The following HECTD2 variants were observed in gnomAD, a reference collection of about 807,000 sequenced individuals.
HECTD2 encodes the protein probable E3 ubiquitin-protein ligase HECTD2.
A neutral mutation model predicts 103.2 loss-of-function variants in HECTD2; 35 were observed. The ratio of observed to expected loss-of-function variants is 0.34; its 90% confidence interval spans 0.26 to 0.45. HECTD2 has a LOEUF of 0.45. Ranked by LOEUF, HECTD2 falls within the 20% of genes least tolerant of loss-of-function variation. The pLI is 1.00. For synonymous variants in HECTD2, 281 were observed against 329.9 expected, an observed-to-expected ratio of 0.85 and a Z score of 1.61; for missense variants, 596 against 937.4, an observed-to-expected ratio of 0.64 and a Z score of 4.76.
At position 91,487,988 on chromosome 10, in the gene HECTD2, T is replaced by C. The variant is rs985055603; in HGVS notation, c.1191+210T>C. ...ATCTCTTCTGATCAACTTCTCATTATATTATAAATATAGTAGGAAGAGTAA... is the reference window on the plus strand; with the variant it reads ...ATCTCTTCTGATCAACTTCTCATTACATTATAAATATAGTAGGAAGAGTAA... On this transcript the variant is annotated intron_variant, in intron 11 of 20. Transcript: ENST00000298068. The surrounding 1 kb of genome is among the most constrained non-coding windows in gnomAD (Gnocchi z 4.1). The C allele has an allele frequency of 5.9e-6, 2 of 339,418 alleles. No individual in the cohort carries two copies. The highest frequency in any genetic ancestry group is 4.2e-5 in the African/African-American group (2 of 47,122). 21.0% of individuals were successfully genotyped at this position (339,418 alleles called of 1,614,324 possible).
At chr10:91,456,244 A>G (rs1845085675) in intron 2 of HECTD2, among the ~76,000 whole-genome samples, 2 of 152,000 alleles carry the variant, frequency 1.3e-5, no homozygotes, top group Non-Finnish European at 2.9e-5. Flanking sequence ...GTCCTGTTTT[A>G]TTTCGTTGAG....
At chr10:91,427,157 A>G (rs1469668205) in intron 2 of HECTD2, among the ~76,000 whole-genome samples, 3 of 151,436 alleles carry the variant, frequency 2.0e-5, no homozygotes, top group Non-Finnish European at 4.4e-5. Flanking sequence ...AATTTCATCC[A>G]TGTCCCTACA....
At chr10:91,461,935 T>C (rs1001075568) in intron 4 of HECTD2, among the ~76,000 whole-genome samples, 160 bp from the exon 5 acceptor site, 2 of 152,210 alleles carry the variant, frequency 1.3e-5, no homozygotes, top group Admixed American at 6.5e-5. Context: ...AAATAATCTT[T>C]GTACATTTCT....
rs1846555820 is a variant in HECTD2, at chr10:91,493,586, G to C, written c.1521+78G>C. 1.9e-5 allele frequency: 14 copies of C among 728,332 alleles called. No individual in the cohort carries two copies. In the South Asian group the frequency reaches 2.7e-4, roughly 14 times the overall value. The allele number at this position is 728,332 out of a possible 1,614,324, so 45.1% of individuals were successfully genotyped here. A position where few individuals can be genotyped will look rare whatever the true frequency, so the allele number is the denominator to read the frequency against. The stretch of plus-strand genomic sequence containing the variant: ...GATTTTATCTGTATTTTAGAAAACT[G>C]TTTTCTTTAGCCATTTTATCCAAAT... On this transcript the variant is annotated intron_variant, in intron 14 of 20. Transcript: ENST00000298068.
intron 2 of HECTD2, among the ~76,000 whole-genome samples, chr10:91,435,216 A>G (rs1055784154): frequency 3.3e-5 from 5 of 151,892 alleles, no homozygotes; most frequent in African/African-American, 1.2e-4. Flanking sequence ...GAGGTTAACT[A>G]TTGTTCCCTT....
chr10:91,508,861 C>T (rs911050908), intron 20 of HECTD2, among the ~76,000 whole-genome samples: 3 of 151,956 alleles, frequency 2.0e-5, no homozygotes, highest in East Asian at 1.9e-4. Context: ...ATAGCAAAGA[C>T]TTGGAACCAA....
At chr10:91,461,790 C>T (rs2133205141) in intron 4 of HECTD2, among the ~76,000 whole-genome samples, 1 of 152,246 alleles carries the variant, frequency 6.6e-6, no homozygotes, top group East Asian at 1.9e-4. Flanking sequence ...CTCGGGTGAT[C>T]CTCCCATGTC....
chr10:91,466,731 A>C (rs1460029054), intron 5 of HECTD2, among the ~76,000 whole-genome samples: 2 of 152,212 alleles, frequency 1.3e-5, no homozygotes, highest in Non-Finnish European at 2.9e-5. Flanking sequence ...ACAACAGCCA[A>C]AAATTAATTA....
intron 20 of HECTD2, among the ~76,000 whole-genome samples, chr10:91,503,758 A>G (rs1478328555): frequency 6.6e-6 from 1 of 152,228 alleles, no homozygotes; most frequent in African/African-American, 2.4e-5. Flanking sequence ...GGAAGCTCGA[A>G]CTGGGTGGAA....
At chr10:91,511,493 C>A (rs1398189049) in intron 20 of HECTD2, among the ~76,000 whole-genome samples, 1 of 152,130 alleles carries the variant, frequency 6.6e-6, no homozygotes, top group Non-Finnish European at 1.5e-5. Context: ...AACCATCAGT[C>A]CTCAACCTTT....
At chr10:91,471,379 A>C (rs1358087654) in intron 5 of HECTD2, among the ~76,000 whole-genome samples, 1 of 152,168 alleles carries the variant, frequency 6.6e-6, no homozygotes, top group Admixed American at 6.5e-5. Flanking sequence ...GAATGAGCAA[A>C]AGCTACAAGT....
At position 91,513,786 on chromosome 10, in the gene HECTD2, C is replaced by A. The variant is rs1037235913; in HGVS notation, c.*1402C>A. ...CTTTCTGGGCTAGGCTATTTTCTTG[C>A]TATGCTTCCTGCACCCAACCAGCAG... is the stretch of plus-strand genomic sequence containing the variant. On this transcript the variant is annotated 3_prime_UTR_variant, in exon 21 of 21. Coordinates refer to ENST00000298068, the MANE Select transcript of HECTD2 (RefSeq NM_182765.6). 2 of 152,572 alleles carry A rather than the reference C, an allele frequency of 1.3e-5. No individual in the cohort carries two copies. Among genetic ancestry groups the A allele is most frequent in the Non-Finnish European group, 2.9e-5 (2 of 68,030 alleles). The allele number at this position is 152,572 out of a possible 1,614,324, so 9.5% of individuals were successfully genotyped here.
chr10:91,482,045 A>G (rs1846107051), intron 7 of HECTD2, among the ~76,000 whole-genome samples: 1 of 151,834 alleles, frequency 6.6e-6, no homozygotes, highest in Non-Finnish European at 1.5e-5. Context: ...GCCAAAACTC[A>G]AGAATAAACA....
At chr10:91,450,899 G>C (rs1055472028) in intron 2 of HECTD2, among the ~76,000 whole-genome samples, 3 of 152,116 alleles carry the variant, frequency 2.0e-5, no homozygotes, top group Admixed American at 1.3e-4. Flanking sequence ...AAATAGGAAT[G>C]CTTTTACACT....
chr10:91,478,365 A>G (rs1180011064), intron 6 of HECTD2, 100 bp downstream of exon 6: 3 of 708,546 alleles, frequency 4.2e-6, no homozygotes, highest in Admixed American at 2.6e-5. Context: ...CTCAGAAAAG[A>G]TTTTAGTTGA....
intron 1 of HECTD2, among the ~76,000 whole-genome samples, chr10:91,414,372 G>C (rs907532760): frequency 6.6e-6 from 1 of 152,302 alleles, no homozygotes; most frequent in African/African-American, 2.4e-5. Context: ...AGAATGAGAA[G>C]TTGGCTTATC....
At chr10:91,430,927 G>A (rs1420034292) in intron 2 of HECTD2, among the ~76,000 whole-genome samples, 1 of 150,882 alleles carries the variant, frequency 6.6e-6, no homozygotes, top group Non-Finnish European at 1.5e-5. Context: ...TCATTATGAT[G>A]TTAGCTGGTT....
chr10:91,410,638 C>T (rs1289813132), intron 1 of HECTD2, 62 bp downstream of exon 1: 13 of 1,303,082 alleles, frequency 1.0e-5, no homozygotes, highest in Non-Finnish European at 1.2e-5. Flanking sequence ...GGACGGCGGC[C>T]GGGCGAGGGC....
At chr10:91,411,934 G>A (rs1842928627) in intron 1 of HECTD2, among the ~76,000 whole-genome samples, 4 of 152,170 alleles carry the variant, frequency 2.6e-5, no homozygotes, top group South Asian at 2.1e-4. Flanking sequence ...GTAAATGTAT[G>A]TACTTATAGA....
Sources: gnomAD v4.1 joint callset for allele counts (sites outside exome capture counted in the v4.1 genomes callset) on GRCh38, gnomAD v4.1.1 for gene constraint, Gnocchi (gnomAD v3.1) non-coding constraint, MANE v1.5 for transcripts, NCBI Gene and HGNC (gene_info 2026-07-23, HGNC 2026-07-21) for gene names.